L3MBTL4: variants seen among roughly 807,000 people sequenced by gnomAD.
L3MBTL4 encodes L3MBTL histone methyl-lysine binding protein 4, also known as lethal(3)malignant brain tumor-like protein 4.
Under a neutral mutation model 84.5 loss-of-function variants are expected in L3MBTL4, and 70 were observed. That is an observed-to-expected ratio of 0.83 (90% CI 0.68 to 1.01). The LOEUF is 1.01. L3MBTL4 is among the 50% of genes least tolerant of loss of function. The probability of loss-of-function intolerance (pLI) is 0.00; values close to 1 mark genes in which losing one functional copy is unlikely to be tolerated. For missense variants in L3MBTL4, 715 were observed against 754.8 expected, an observed-to-expected ratio of 0.95 and a Z score of 0.62; for synonymous variants, 274 against 259.8, an observed-to-expected ratio of 1.05 and a Z score of -0.52.
intron 16 of L3MBTL4, among the ~76,000 whole-genome samples, chr18:6,057,267 G>A (rs1031926734): frequency 3.9e-5 from 6 of 152,162 alleles, no homozygotes; most frequent in South Asian, 2.1e-4. Context: ...GACCTAAGGT[G>A]ATCGTGATCT....
At chr18:6,064,801 A>T (rs2057347972) in intron 16 of L3MBTL4, among the ~76,000 whole-genome samples, 1 of 151,978 alleles carries the variant, frequency 6.6e-6, no homozygotes, top group African/African-American at 2.4e-5. Flanking sequence ...ATGAATCGTG[A>T]CAATCTGAGT....
intron 12 of L3MBTL4, among the ~76,000 whole-genome samples, chr18:6,178,670 C>A (rs112245735): frequency 3.8e-4 from 58 of 152,300 alleles, no homozygotes; most frequent in African/African-American, 1.4e-3. Flanking sequence ...TCTTATCCTT[C>A]AACAGACAGG....
At chr18:6,172,572 TC>T (rs2044028892) in intron 12 of L3MBTL4, among the ~76,000 whole-genome samples, 2 of 152,100 alleles carry the variant, frequency 1.3e-5, no homozygotes, top group Non-Finnish European at 2.9e-5. Context: ...CATCCCCAGG[TC>T]CAGCCATCCT....
intron 13 of L3MBTL4, among the ~76,000 whole-genome samples, chr18:6,148,539 C>T (rs1229197158): frequency 1.3e-5 from 2 of 152,104 alleles, no homozygotes; most frequent in African/African-American, 4.8e-5. Context: ...GATCCTTCTG[C>T]CTCAGCCTGC....
intron 1 of L3MBTL4, among the ~76,000 whole-genome samples, chr18:6,386,405 T>C (rs2144442176): frequency 6.6e-6 from 1 of 152,280 alleles, no homozygotes; most frequent in East Asian, 1.9e-4. Context: ...CAAGATTCTT[T>C]TCATGCATTC....
rs867184635 is a variant in L3MBTL4, at chr18:6,238,132, C to A, written c.708-92G>T. ...CAATCATTCTGGATATCAACAGATA[C>A]CACAGAAAACAGTACTTCATAGCTG... On this transcript the variant is annotated intron_variant, in intron 9 of 18. Coordinates refer to ENST00000317931, the MANE Select transcript of L3MBTL4 (RefSeq NM_001330559.2). 1.4e-5 allele frequency: 15 copies of A among 1,109,698 alleles called. 2 individuals carry two copies. In the Middle Eastern group the frequency reaches 1.4e-3, roughly 101 times the overall value. The allele number at this position is 1,109,698 out of a possible 1,614,324, so 68.7% of individuals were successfully genotyped here.
intron 1 of L3MBTL4, among the ~76,000 whole-genome samples, chr18:6,400,554 C>T (rs1236547505): frequency 2.6e-5 from 4 of 152,096 alleles, no homozygotes; most frequent in Non-Finnish European, 1.5e-5. Flanking sequence ...GGACTACAGG[C>T]GCATGCCACC....
At chr18:6,376,847 G>C (rs1213092453) in intron 1 of L3MBTL4, among the ~76,000 whole-genome samples, 1 of 152,152 alleles carries the variant, frequency 6.6e-6, no homozygotes, top group Non-Finnish European at 1.5e-5. Flanking sequence ...CATATCTGTT[G>C]AATGAATATC....
chr18:6,308,680 C>T (rs946905124), intron 3 of L3MBTL4, among the ~76,000 whole-genome samples: 3 of 152,072 alleles, frequency 2.0e-5, no homozygotes, highest in African/African-American at 7.2e-5. Context: ...GAACAACGAG[C>T]AGAATGTGCG....
intron 16 of L3MBTL4, among the ~76,000 whole-genome samples, chr18:6,022,642 G>A (rs191172479): frequency 2.0e-5 from 3 of 152,078 alleles, no homozygotes; most frequent in Admixed American, 6.5e-5. Context: ...TTATCACATC[G>A]AATCCCAACA....
intron 5 of L3MBTL4, chr18:6,260,110 C>T (rs1255345619): frequency 6.6e-6 from 1 of 152,122 alleles, no homozygotes; most frequent in African/African-American, 2.4e-5. Flanking sequence ...ACATGTGCAG[C>T]TTTATTTCTG....
chr18:6,009,515 G>A (rs1373626490), intron 16 of L3MBTL4, among the ~76,000 whole-genome samples: 2 of 152,122 alleles, frequency 1.3e-5, no homozygotes, highest in Middle Eastern at 3.2e-3. Flanking sequence ...ACTGCCCCTT[G>A]GTATTCATGG....
At chr18:6,159,741 A>G (rs961047704) in intron 13 of L3MBTL4, among the ~76,000 whole-genome samples, 2 of 151,800 alleles carry the variant, frequency 1.3e-5, no homozygotes, top group African/African-American at 4.9e-5. Flanking sequence ...GTTTTTTGTC[A>G]TTTCATAACA....
At chr18:6,072,695 C>G (rs1449395711) in intron 16 of L3MBTL4, among the ~76,000 whole-genome samples, 2 of 112,982 alleles carry the variant, frequency 1.8e-5, no homozygotes, top group Non-Finnish European at 3.5e-5. Context: ...CACACACACA[C>G]ACAAAAAAAA....
intron 5 of L3MBTL4, among the ~76,000 whole-genome samples, chr18:6,254,994 GA>G (rs1182761181): frequency 6.6e-6 from 1 of 152,168 alleles, no homozygotes; most frequent in Non-Finnish European, 1.5e-5. Context: ...TGCACAGAAA[GA>G]ACTTTTTAAA....
chr18:6,060,617 A>G (rs1311154286), intron 16 of L3MBTL4, among the ~76,000 whole-genome samples: 1 of 152,108 alleles, frequency 6.6e-6, no homozygotes, highest in Non-Finnish European at 1.5e-5. Context: ...CTTAGTTTAC[A>G]TTAGGGCTTT....
chr18:6,287,550 T>TTGATC (rs2049651933), intron 4 of L3MBTL4, among the ~76,000 whole-genome samples: 1 of 152,220 alleles, frequency 6.6e-6, no homozygotes, highest in Non-Finnish European at 1.5e-5. Context: ...GAAAATCATT[T>TTGATC]TGATCGCTGT....
intron 16 of L3MBTL4, among the ~76,000 whole-genome samples, chr18:6,021,892 C>T (rs1483072827): frequency 1.3e-5 from 2 of 152,184 alleles, no homozygotes; most frequent in Non-Finnish European, 1.5e-5. Context: ...TCTACCTCCT[C>T]CTCCTGCCAC....
At chr18:5,970,920 G>C (rs929936276) in intron 16 of L3MBTL4, among the ~76,000 whole-genome samples, 1 of 152,192 alleles carries the variant, frequency 6.6e-6, no homozygotes. Flanking sequence ...CACCACTCTC[G>C]TGGATCGGAA....
Sources: gnomAD v4.1 joint callset for allele counts (sites outside exome capture counted in the v4.1 genomes callset) on GRCh38, gnomAD v4.1.1 for gene constraint, MANE v1.5 for transcripts, NCBI Gene and HGNC (gene_info 2026-07-23, HGNC 2026-07-21) for gene names.